MAP3K13: variants seen among roughly 807,000 people sequenced by gnomAD.
MAP3K13 encodes leucine zipper-bearing kinase.
MAP3K13 carries 52 observed loss-of-function variants against 104.0 expected under a neutral mutation model. That is an observed-to-expected ratio of 0.50 (90% CI 0.40 to 0.63). The LOEUF is 0.63. Ranked by LOEUF, MAP3K13 falls within the 20% of genes least tolerant of loss-of-function variation. MAP3K13 has a pLI of 0.00. For missense variants in MAP3K13, 914 were observed against 1,218.5 expected, an observed-to-expected ratio of 0.75 and a Z score of 3.72; for synonymous variants, 394 against 442.2, an observed-to-expected ratio of 0.89 and a Z score of 1.37.
chr3:185,291,657 G>A, intron 2 of MAP3K13: 1 of 1,532,136 alleles, frequency 6.5e-7, no homozygotes, highest in East Asian at 2.5e-5. Context: ...TCATCATTAT[G>A]CATTCAAGAT....
At chr3:185,355,839 A>G (rs1723330261) in intron 2 of MAP3K13, among the ~76,000 whole-genome samples, 1 of 152,076 alleles carries the variant, frequency 6.6e-6, no homozygotes, top group African/African-American at 2.4e-5. Flanking sequence ...TGAAATTCAG[A>G]AATATAAAAT....
chr3:185,472,506 C>T (rs1204818556), intron 10 of MAP3K13, among the ~76,000 whole-genome samples: 1 of 152,110 alleles, frequency 6.6e-6, no homozygotes, highest in Non-Finnish European at 1.5e-5. Flanking sequence ...CCACCGCACC[C>T]GGCCCATCCC....
chr3:185,295,679 G>T (rs549288614), intron 2 of MAP3K13, among the ~76,000 whole-genome samples: 1 of 81,064 alleles, frequency 1.2e-5, no homozygotes, highest in South Asian at 4.1e-4. Context: ...CTATCATTCT[G>T]TCATAAATCA....
chr3:185,388,089 A>G (rs1711801415), intron 1 of MAP3K13, among the ~76,000 whole-genome samples: 2 of 152,098 alleles, frequency 1.3e-5, no homozygotes, highest in Admixed American at 6.5e-5. Flanking sequence ...TAGCTGAAAA[A>G]TAATCAAGAA....
chr3:185,327,847 G>A (rs1169057982), intron 2 of MAP3K13, among the ~76,000 whole-genome samples: 1 of 152,012 alleles, frequency 6.6e-6, no homozygotes, highest in Non-Finnish European at 1.5e-5. Flanking sequence ...GGGAGGCAGA[G>A]GTTGCAGTGA....
intron 10 of MAP3K13, among the ~76,000 whole-genome samples, chr3:185,471,985 T>C (rs1414205189): frequency 6.6e-6 from 1 of 152,222 alleles, no homozygotes; most frequent in South Asian, 2.1e-4. Flanking sequence ...GCAACAGTTT[T>C]GGTTCCCATT....
intron 1 of MAP3K13, among the ~76,000 whole-genome samples, chr3:185,404,950 T>C (rs1308213547): frequency 6.6e-6 from 1 of 152,238 alleles, no homozygotes; most frequent in Non-Finnish European, 1.5e-5. Flanking sequence ...AAGGGGTCTT[T>C]CATTTTTTAG....
chr3:185,295,438 C>A (rs1486182821), intron 2 of MAP3K13, among the ~76,000 whole-genome samples: 1 of 152,146 alleles, frequency 6.6e-6, no homozygotes, highest in Non-Finnish European at 1.5e-5. Flanking sequence ...CTCCTGACCT[C>A]GTGATCCACC....
At chr3:185,466,275 T>G (rs1266705887) in intron 9 of MAP3K13, among the ~76,000 whole-genome samples, 1 of 152,158 alleles carries the variant, frequency 6.6e-6, no homozygotes, top group African/African-American at 2.4e-5. Context: ...CTTCTGTCAT[T>G]GTATTATGTT....
rs765207305 is a variant in MAP3K13 at position 185,465,786 on chromosome 3, T to G, written c.1428T>G (p.Leu476=). The change falls in exon 9 of 14, where the codon CTT becomes CTG. Residue 476 remains leucine (L), a synonymous_variant. Transcript: ENST00000265026. ...LDIREHYERK[L]ERANNLYMEL... is the part of the protein sequence containing the mutation. ...TTCGTGAACACTATGAGCGGAAGCT[T>G]GAGCGGGCGAATAATTTATACATGG... 7.4e-6 allele frequency: 12 copies of G among 1,614,138 alleles called. No homozygotes were observed. Among genetic ancestry groups the G allele is most frequent in the Non-Finnish European group, 9.3e-6 (11 of 1,179,972 alleles).
chr3:185,358,319 A>T (rs867323923), upstream of MAP3K13, among the ~76,000 whole-genome samples: 2 of 152,254 alleles, frequency 1.3e-5, no homozygotes, highest in Middle Eastern at 3.4e-3. Context: ...AGAACAGAAA[A>T]TTTTTCCTTC....
intron 1 of MAP3K13, among the ~76,000 whole-genome samples, chr3:185,404,884 A>T (rs772141404): frequency 6.6e-6 from 1 of 152,176 alleles, no homozygotes; most frequent in Non-Finnish European, 1.5e-5. Context: ...GCGCAGCCCT[A>T]TGCTTGGTTT....
intron 2 of MAP3K13, among the ~76,000 whole-genome samples, chr3:185,317,324 T>C (rs561495202): frequency 2.6e-5 from 4 of 152,212 alleles, no homozygotes; most frequent in Non-Finnish European, 5.9e-5. Flanking sequence ...GTTTCTGCTC[T>C]AAATTGTCCT....
intron 1 of MAP3K13, among the ~76,000 whole-genome samples, chr3:185,426,166 C>T (rs376430586): frequency 2.6e-5 from 4 of 152,132 alleles, no homozygotes; most frequent in East Asian, 1.9e-4. Context: ...CTGCAACCTC[C>T]GCTTGCTGGG....
At chr3:185,295,040 T>C (rs1383603875) in intron 2 of MAP3K13, among the ~76,000 whole-genome samples, 1 of 152,218 alleles carries the variant, frequency 6.6e-6, no homozygotes, top group Non-Finnish European at 1.5e-5. Flanking sequence ...ACAATTCTAA[T>C]CTTTTTGGTC....
chr3:185,441,969 A>G (rs1409140374), intron 3 of MAP3K13, among the ~76,000 whole-genome samples: 1 of 146,164 alleles, frequency 6.8e-6, no homozygotes, highest in Non-Finnish European at 1.5e-5. Flanking sequence ...TGAACCCGGG[A>G]GGTGGAGGTT....
chr3:185,440,606 A>G (rs1715272141), intron 3 of MAP3K13, among the ~76,000 whole-genome samples: 1 of 152,216 alleles, frequency 6.6e-6, no homozygotes, highest in Non-Finnish European at 1.5e-5. Flanking sequence ...ATAGGAGAGT[A>G]ATAGAAATAG....
chr3:185,364,718 A>C (rs1449991918), intron 1 of MAP3K13, among the ~76,000 whole-genome samples: 1 of 152,154 alleles, frequency 6.6e-6, no homozygotes, highest in Non-Finnish European at 1.5e-5. Flanking sequence ...TTCTGAGTAC[A>C]TTTGAACTTG....
chr3:185,374,044 C>T (rs1184804417), intron 1 of MAP3K13, among the ~76,000 whole-genome samples: 1 of 151,976 alleles, frequency 6.6e-6, no homozygotes, highest in African/African-American at 2.4e-5. Context: ...AAAGAACCTT[C>T]TTAAGGGTGG....
Sources: gnomAD v4.1 joint callset for allele counts (sites outside exome capture counted in the v4.1 genomes callset) on GRCh38, gnomAD v4.1.1 for gene constraint, MANE v1.5 for transcripts, NCBI Gene and HGNC (gene_info 2026-07-23, HGNC 2026-07-21) for gene names.